Variants in PKP2 observed in about 807,000 individuals in gnomAD.
PKP2 encodes plakophilin-2.
PKP2 carries 73 observed loss-of-function variants against 83.4 expected under a neutral mutation model. That is an observed-to-expected ratio of 0.88 (90% confidence interval 0.72 to 1.06). The LOEUF is 1.06. Among genes scored for constraint, PKP2 ranks in the 50% least tolerant of loss-of-function variants. PKP2 has a pLI of 0.00. For synonymous variants in PKP2, 409 were observed against 430.4 expected (o/e 0.95, Z 0.62); for missense variants, 966 against 1,065.4 (o/e 0.91, Z 1.30).
chr12:32,889,127 G>C (rs1299649274), intron 1 of PKP2, among the ~76,000 whole-genome samples: 3 of 152,140 alleles, frequency 2.0e-5, no homozygotes, highest in Admixed American at 2.0e-4. Context: ...GGACACAACT[G>C]AACTAAGTTA....
At chr12:32,837,240 C>T (rs974608616) in intron 6 of PKP2, among the ~76,000 whole-genome samples, 1 of 152,198 alleles carries the variant, frequency 6.6e-6, no homozygotes, top group Non-Finnish European at 1.5e-5. Context: ...GTGACAAATA[C>T]TAATGTATCT....
chr12:32,822,098 G>A (rs180797445), intron 8 of PKP2, among the ~76,000 whole-genome samples: 3 of 152,122 alleles, frequency 2.0e-5, no homozygotes, highest in East Asian at 1.9e-4. Context: ...TATCAGGGCC[G>A]ACTTTAATAA....
intron 4 of PKP2, 144 bp downstream of exon 4, chr12:32,868,783 A>T: frequency 1.1e-6 from 1 of 926,386 alleles, no homozygotes; most frequent in South Asian, 1.4e-5. Flanking sequence ...CGGCCTCCCA[A>T]AGTGCTGGGA....
chr12:32,868,885 A>C, intron 4 of PKP2, 42 bp downstream of exon 4: 2 of 1,601,098 alleles, frequency 1.2e-6, no homozygotes, highest in Non-Finnish European at 1.7e-6. Context: ...AATAGAAGTG[A>C]AAGTGTGTTG....
chr12:32,795,282 C>T (rs11052236), intron 11 of PKP2, among the ~76,000 whole-genome samples: 11,657 of 151,198 alleles, frequency 0.077, 1,192 homozygotes, highest in East Asian at 0.54. Flanking sequence ...GAATAAGATG[C>T]GGAAGAGATA....
rs898631325 is a variant in PKP2, at chr12:32,850,980, A to G, written c.1171-7T>C. 1 of 1,611,896 alleles carries G rather than the reference A, an allele frequency of 6.2e-7. No individual in the cohort carries two copies. The highest frequency in any genetic ancestry group is 8.5e-7 in the Non-Finnish European group (1 of 1,178,468). The stretch of plus-strand genomic sequence containing the variant: ...TGCCACGAAGCTGGTTAACCTGGGG[A>G]AGAAGCAGATGCATATTTCTAATAT... On this transcript the variant is annotated splice_region_variant and splice_polypyrimidine_tract_variant and intron_variant, in intron 4 of 12. Coordinates refer to ENST00000340811, the MANE Select transcript of PKP2 (RefSeq NM_001005242.3).
chr12:32,792,455 G>A lies in PKP2; in HGVS notation c.2483C>T (p.Thr828Ile), dbSNP rs370599966. 111 of 1,613,686 alleles carry A rather than the reference G, an allele frequency of 6.9e-5. No individual in the cohort carries two copies. Among genetic ancestry groups the A allele is most frequent in the Non-Finnish European group, 8.7e-5 (103 of 1,179,712 alleles). The change falls in exon 13 of 13, where the codon ACT (threonine) becomes ATT (isoleucine). Residue 828 changes from threonine to isoleucine, a missense_variant. Transcript: ENST00000340811. ...FKKTDFVNSR[T>I]AKAYHSLKD ...TTTAAGGGAGTGGTAGGCTTTGGCA[G>A]TCCGGCTGTTGACAAAATCTGTCTT...
intron 6 of PKP2, among the ~76,000 whole-genome samples, chr12:32,830,361 A>G (rs773300169): frequency 6.6e-6 from 1 of 152,222 alleles, no homozygotes; most frequent in Non-Finnish European, 1.5e-5. Context: ...AGAGGAAGAA[A>G]AACTCGATGC....
chr12:32,893,183 T>C (rs771307789), intron 1 of PKP2: 1 of 152,218 alleles, frequency 6.6e-6, no homozygotes, highest in Non-Finnish European at 1.5e-5. Flanking sequence ...CACATTTATC[T>C]CATCTCTGCT....
At position 32,813,116 on chromosome 12, in the gene PKP2, T is replaced by C. The variant is rs1279766748; in HGVS notation, c.2013+8240A>G. On this transcript the variant is annotated intron_variant, in intron 9 of 12. Transcript: ENST00000340811. Reference sequence around the variant, plus strand: ...CAAGATTGAAGGTTATAAATCTAAATAATGGTCAGTATTAGCCCAATAGTG... The same window carrying C: ...CAAGATTGAAGGTTATAAATCTAAACAATGGTCAGTATTAGCCCAATAGTG... Among the ~76,000 whole-genome samples the C allele has an allele frequency of 3.3e-5, 5 of 152,206 alleles. No homozygotes were observed. In the East Asian group the frequency reaches 9.6e-4, roughly 29 times the overall value.
At chr12:32,878,575 G>A (rs774747070) in intron 2 of PKP2, 32 bp from the exon 3 acceptor site, 3 of 1,550,698 alleles carry the variant, frequency 1.9e-6, no homozygotes, top group Non-Finnish European at 2.6e-6. Context: ...TTTAAAGGGG[G>A]CATAAATCAA....
At chr12:32,799,666 A>G (rs1220372186) in intron 10 of PKP2, among the ~76,000 whole-genome samples, 2 of 152,226 alleles carry the variant, frequency 1.3e-5, no homozygotes, top group African/African-American at 4.8e-5. Flanking sequence ...CACTATTCTA[A>G]GTGAAATAAC....
At chr12:32,808,829 C>T (rs780972247) in intron 9 of PKP2, among the ~76,000 whole-genome samples, 1 of 152,136 alleles carries the variant, frequency 6.6e-6, no homozygotes, top group Non-Finnish European at 1.5e-5. Context: ...GTTGCCTCTG[C>T]TTTTCCTGTA....
At chr12:32,887,900 C>A (rs745943781) in intron 1 of PKP2, among the ~76,000 whole-genome samples, 29 of 152,118 alleles carry the variant, frequency 1.9e-4, no homozygotes, top group Non-Finnish European at 3.4e-4. Context: ...CATTTCTCAG[C>A]CAGGCACGGT....
At chr12:32,824,298 A>C (rs1394456988) in intron 6 of PKP2, 136 bp from the exon 7 acceptor site, 1 of 715,360 alleles carries the variant, frequency 1.4e-6, no homozygotes, top group African/African-American at 1.7e-5. Context: ...AGACTTGCCC[A>C]GTCAACAAAT....
intron 6 of PKP2, among the ~76,000 whole-genome samples, chr12:32,824,865 T>C (rs969038760): frequency 1.3e-5 from 2 of 152,168 alleles, no homozygotes; most frequent in Non-Finnish European, 2.9e-5. Flanking sequence ...TTGGAAGTTG[T>C]TTACTGATAG....
At chr12:32,851,244 C>T (rs1315861530) in intron 4 of PKP2, among the ~76,000 whole-genome samples, 1 of 151,884 alleles carries the variant, frequency 6.6e-6, no homozygotes, top group African/African-American at 2.4e-5. Flanking sequence ...TGCATAGGTA[C>T]TAGTTAAACA....
In PKP2 at chr12:32,878,963, A is replaced by G. The variant is rs775434969; in HGVS notation, c.293T>C (p.Val98Ala). 12 of 1,608,374 alleles carry G rather than the reference A, an allele frequency of 7.5e-6. No individual in the cohort carries two copies. Among genetic ancestry groups the G allele is most frequent in the African/African-American group, 4.0e-5 (3 of 74,792 alleles). Reference sequence around the variant, plus strand: ...TTTAGGAACAGGGGAACGGCCTCCAACAAAATCATTTTCAACCAAGTGTAG... The same window carrying G: ...TTTAGGAACAGGGGAACGGCCTCCAGCAAAATCATTTTCAACCAAGTGTAG... ...YNLHLVENDF[V>A]GGRSPVPKTY... Residue 98 changes from valine (V) to alanine (A), a missense_variant, in exon 2 of 13, where the codon GTT (valine) becomes GCT (alanine). Physicochemically the swap from Val to Ala is moderately conservative, Grantham distance 64. Transcript: ENST00000340811.
chr12:32,812,994 A>G (rs191412271), intron 9 of PKP2, among the ~76,000 whole-genome samples: 178 of 152,326 alleles, frequency 1.2e-3, no homozygotes, highest in African/African-American at 4.2e-3. Context: ...TCTGAAGAAG[A>G]GAATTTTATT....
Sources: gnomAD v4.1 joint callset for allele counts (sites outside exome capture counted in the v4.1 genomes callset) on GRCh38, gnomAD v4.1.1 for gene constraint, MANE v1.5 for transcripts, NCBI Gene and HGNC (gene_info 2026-07-23, HGNC 2026-07-21) for gene names.